The following ECI2 variants were observed in gnomAD, a reference collection of about 807,000 sequenced individuals.
ECI2 encodes the protein D3,D2-enoyl-CoA isomerase.
ECI2 carries 27 observed loss-of-function variants against 38.4 expected under a neutral mutation model. The observed-to-expected ratio is 0.70, with a 90% CI of 0.52 to 0.97. The LOEUF is 0.97. Ranked by LOEUF, ECI2 falls within the 50% of genes least tolerant of loss-of-function variation. The pLI is 0.00. For synonymous variants in ECI2, 168 were observed against 172.0 expected, an observed-to-expected ratio of 0.98 and a Z score of 0.18; for missense variants, 470 against 474.4, an observed-to-expected ratio of 0.99 and a Z score of 0.09.
intron 2 of ECI2, among the ~76,000 whole-genome samples, chr6:4,131,151 T>C (rs185741061): frequency 5.6e-4 from 86 of 152,344 alleles, no homozygotes; most frequent in Middle Eastern, 3.4e-3. Context: ...TCATTAGTTT[T>C]ATATTGGTAA....
At chr6:4,117,155 A>C (rs562971204) in intron 9 of ECI2, among the ~76,000 whole-genome samples, 153 bp downstream of exon 9, 1 of 152,302 alleles carries the variant, frequency 6.6e-6, no homozygotes, top group African/African-American at 2.4e-5. Flanking sequence ...TTCCAACATT[A>C]CTACAGTTAT....
intron 7 of ECI2, among the ~76,000 whole-genome samples, chr6:4,122,281 C>T (rs1038085924): frequency 2.7e-5 from 4 of 149,568 alleles, no homozygotes; most frequent in South Asian, 2.1e-4. Context: ...AGTGCAGTGG[C>T]GCAATCTCAA....
At chr6:4,122,137 C>A in intron 7 of ECI2, 1 of 688,434 alleles carries the variant, frequency 1.5e-6, no homozygotes, top group Non-Finnish European at 2.4e-6. Flanking sequence ...GCTCTGGCGT[C>A]AGACTACTTA....
intron 3 of ECI2, 93 bp downstream of exon 3, chr6:4,130,674 A>T: frequency 1.2e-6 from 2 of 1,600,456 alleles, no homozygotes; most frequent in Non-Finnish European, 1.7e-6. Context: ...AAGCACATCA[A>T]GATCTTGAAG....
intron 1 of ECI2, among the ~76,000 whole-genome samples, chr6:4,134,359 T>C (rs1257918176): frequency 6.6e-6 from 1 of 152,082 alleles, no homozygotes; most frequent in Non-Finnish European, 1.5e-5. Context: ...GGCGTGCCCC[T>C]TTCTATGGGT....
At chr6:4,135,451 G>T in intron 1 of ECI2, 60 bp downstream of exon 1, 1 of 1,609,954 alleles carries the variant, frequency 6.2e-7, no homozygotes, top group South Asian at 1.1e-5. Flanking sequence ...GGCGACCTTC[G>T]CCTGGACAGC....
Position 4,120,764 on chromosome 6 carries a change from A to C in ECI2, c.796-1489T>G, listed in dbSNP as rs144687695. On this transcript the variant is annotated intron_variant, in intron 7 of 9. Coordinates refer to ENST00000380118, the MANE Select transcript of ECI2 (RefSeq NM_206836.3). ...TAAGATATGGTGTTATAATCTTAGG[A>C]GACCAGCGTTTTACATGCAGTCTGC... Among the ~76,000 whole-genome samples, 559 of 152,260 alleles carry C rather than the reference A, an allele frequency of 3.7e-3. 4 individuals are homozygous for C. The highest frequency in any genetic ancestry group is 0.012 in the African/African-American group (515 of 41,554).
intron 9 of ECI2, 144 bp downstream of exon 9, chr6:4,117,164 A>AT (rs1198372004): frequency 1.9e-6 from 2 of 1,054,542 alleles, no homozygotes; most frequent in South Asian, 2.0e-5. Flanking sequence ...TACTACAGTT[A>AT]TTTTTTAATT....
At chr6:4,135,070 A>C in intron 1 of ECI2, 1 of 460,774 alleles carries the variant, frequency 2.2e-6, no homozygotes. Context: ...GTTCTCCAAG[A>C]AGCAGAGTGT....
chr6:4,131,094 G>A (rs557773452), intron 2 of ECI2: 90 of 446,396 alleles, frequency 2.0e-4, no homozygotes, highest in African/African-American at 1.8e-3. Context: ...TGAAAATAAT[G>A]CAGGATAAAG....
intron 8 of ECI2, chr6:4,118,495 T>G (rs945455044): frequency 6.6e-6 from 1 of 152,304 alleles, no homozygotes; most frequent in Admixed American, 6.5e-5. Flanking sequence ...CAATTCCCAC[T>G]GCCCCACTTT....
In ECI2 at chr6:4,133,610, T is replaced by G; in HGVS notation, c.152A>C (p.Lys51Thr). The change falls in exon 2 of 10, where the codon AAA becomes ACA. Residue 51 changes from lysine to threonine, a missense_variant. Coordinates refer to ENST00000380118, the MANE Select transcript of ECI2 (RefSeq NM_206836.3). ...KDFENSMNQV[K>T]LLKKDPGNEV... is the part of the protein sequence containing the mutation. ...GTTTCCTGGATCCTTTTTCAAGAGT[T>G]TCACTTGATTCATTGAATTTTCAAA... 1 of 1,614,036 alleles carries G rather than the reference T, an allele frequency of 6.2e-7. No homozygotes were observed. Among genetic ancestry groups the G allele is most frequent in the Non-Finnish European group, 8.5e-7 (1 of 1,179,972 alleles).
At chr6:4,125,877 T>G (rs1561654868) in intron 6 of ECI2, 1 of 589,288 alleles carries the variant, frequency 1.7e-6, no homozygotes, top group Non-Finnish European at 3.1e-6. Context: ...AAGATAATTT[T>G]GTTTACAACT....
chr6:4,127,394 A>T (rs1773234213), intron 5 of ECI2, among the ~76,000 whole-genome samples: 1 of 137,558 alleles, frequency 7.3e-6, no homozygotes, highest in Non-Finnish European at 1.5e-5. Context: ...ACTGGAAAAG[A>T]TCTTAGAGCC....
chr6:4,133,438 A>T (rs973540994), intron 2 of ECI2, 111 bp downstream of exon 2: 5 of 1,259,698 alleles, frequency 4.0e-6, no homozygotes, highest in African/African-American at 3.0e-5. Flanking sequence ...GAGAAGAGGG[A>T]GCAAGACAAA....
chr6:4,128,309 G>A (rs1386753868), intron 4 of ECI2, among the ~76,000 whole-genome samples: 1 of 151,990 alleles, frequency 6.6e-6, no homozygotes, highest in East Asian at 1.9e-4. Context: ...GAAGCCCCTG[G>A]CAGTCTGGGA....
At chr6:4,121,028 A>G (rs1443817481) in intron 7 of ECI2, among the ~76,000 whole-genome samples, 1 of 152,206 alleles carries the variant, frequency 6.6e-6, no homozygotes, top group Non-Finnish European at 1.5e-5. Context: ...AGAAGCTGCT[A>G]GACTGTTTTC....
chr6:4,135,268 G>A (rs746577099), intron 1 of ECI2: 23 of 1,213,818 alleles, frequency 1.9e-5, no homozygotes, highest in Middle Eastern at 3.8e-4. Flanking sequence ...GGGGACTGCT[G>A]ACAGGGAACC....
intron 7 of ECI2, among the ~76,000 whole-genome samples, chr6:4,121,373 C>T (rs879563296): frequency 9.9e-5 from 15 of 152,104 alleles, no homozygotes; most frequent in African/African-American, 3.1e-4. Context: ...GAGCGTCAGG[C>T]AAATCTTTTC....
Sources: allele counts gnomAD v4.1 joint callset (sites outside exome capture counted in the v4.1 genomes callset), GRCh38; gene constraint gnomAD v4.1.1; transcripts MANE v1.5; gene names NCBI Gene and HGNC (gene_info 2026-07-23, HGNC 2026-07-21).